Variants in ACSBG1 observed in about 807,000 individuals in gnomAD.
ACSBG1 encodes long-chain-fatty-acid--CoA ligase ACSBG1.
Under a neutral mutation model 80.2 loss-of-function variants are expected in ACSBG1, and 39 were observed. The observed-to-expected ratio is 0.49, with a 90% CI of 0.38 to 0.64. ACSBG1 has a LOEUF of 0.64. Among genes scored for constraint, ACSBG1 ranks in the 30% least tolerant of loss-of-function variants. The probability of loss-of-function intolerance (pLI) is 0.00; values close to 1 mark genes in which losing one functional copy is unlikely to be tolerated. For synonymous variants in ACSBG1, 392 were observed against 379.5 expected (o/e 1.03, Z -0.38); for missense variants, 828 against 966.4 (o/e 0.86, Z 1.90).
chr15:78,211,573 G>A (rs939410788), intron 1 of ACSBG1, among the ~76,000 whole-genome samples: 2 of 152,200 alleles, frequency 1.3e-5, no homozygotes, highest in Admixed American at 6.5e-5. Flanking sequence ...TCCTTTCACA[G>A]AAAACAAAAA....
intron 2 of ACSBG1, among the ~76,000 whole-genome samples, chr15:78,204,365 G>A (rs537768638): frequency 1.2e-4 from 19 of 152,346 alleles, no homozygotes; most frequent in African/African-American, 4.6e-4. Flanking sequence ...AGATGTGCAG[G>A]AGACCTCAGG....
At chr15:78,208,585 C>G (rs1232512069) in intron 1 of ACSBG1, among the ~76,000 whole-genome samples, 1 of 152,156 alleles carries the variant, frequency 6.6e-6, no homozygotes. Context: ...TGCAGGTACT[C>G]ATAGGGCTCT....
At chr15:78,204,359 G>A (rs990374247) in intron 2 of ACSBG1, among the ~76,000 whole-genome samples, 2 of 152,232 alleles carry the variant, frequency 1.3e-5, no homozygotes, top group African/African-American at 4.8e-5. Flanking sequence ...CTCAGGAGAT[G>A]TGCAGGAGAC....
At chr15:78,233,166 A>G (rs1197707110) in intron 1 of ACSBG1, among the ~76,000 whole-genome samples, 2 of 152,092 alleles carry the variant, frequency 1.3e-5, no homozygotes, top group African/African-American at 4.8e-5. Flanking sequence ...TGTGCACCTG[A>G]CCTATGCCCA....
chr15:78,200,738 G>A lies in ACSBG1; in HGVS notation c.233-6012C>T, dbSNP rs191707134. On this transcript the variant is annotated intron_variant, in intron 2 of 13. Coordinates refer to ENST00000258873, the MANE Select transcript of ACSBG1 (RefSeq NM_015162.5). Reference sequence around the variant, plus strand: ...AAGTCCTGTGACAGGTTCAGGCTGGGTGACCTTGGGCAGCCATGACCTCCA... The same window carrying A: ...AAGTCCTGTGACAGGTTCAGGCTGGATGACCTTGGGCAGCCATGACCTCCA... Among the ~76,000 whole-genome samples, 19 of 152,278 alleles carry A rather than the reference G, an allele frequency of 1.2e-4. No individual in the cohort carries two copies. The East Asian group carries it at 3.1e-3, about 25-fold the overall frequency.
In ACSBG1 at chr15:78,180,745, C is replaced by T. The variant is rs771462805; in HGVS notation, c.1253+10G>A. 5 of 1,612,054 alleles carry T rather than the reference C, an allele frequency of 3.1e-6. No homozygotes were observed. In the East Asian group the frequency reaches 6.7e-5, roughly 22 times the overall value. On this transcript the variant is annotated intron_variant, in intron 9 of 13. Transcript: ENST00000258873. ...TCTCCCCAGGCCTCCCGCCCGTGGG[C>T]CCTCTGTACCTGCCGGGGCAGGTGA...
At chr15:78,175,898 C>T (rs1444618615) in intron 11 of ACSBG1, among the ~76,000 whole-genome samples, 8 of 152,070 alleles carry the variant, frequency 5.3e-5, no homozygotes, top group African/African-American at 1.9e-4. Context: ...ATTGCTACCT[C>T]ATTCCTGCCC....
At chr15:78,207,518 A>T (rs1358185143) in intron 2 of ACSBG1, among the ~76,000 whole-genome samples, 1 of 152,144 alleles carries the variant, frequency 6.6e-6, no homozygotes, top group East Asian at 1.9e-4. Flanking sequence ...TCCTTAAGGC[A>T]CAATTATTTG....
intron 2 of ACSBG1, among the ~76,000 whole-genome samples, chr15:78,199,243 C>A (rs1451499669): frequency 6.6e-6 from 1 of 152,054 alleles, no homozygotes; most frequent in East Asian, 2.0e-4. Context: ...CTAAGCCCAG[C>A]TAATTTTTTT....
intron 1 of ACSBG1, among the ~76,000 whole-genome samples, chr15:78,208,669 T>C (rs1345044206): frequency 6.6e-6 from 1 of 152,174 alleles, no homozygotes; most frequent in African/African-American, 2.4e-5. Context: ...ATGCACCCCA[T>C]GTCTGTTCAC....
At chr15:78,208,191 G>T in intron 1 of ACSBG1, 89 bp from the exon 2 acceptor site, 1 of 936,906 alleles carries the variant, frequency 1.1e-6, no homozygotes, top group Non-Finnish European at 1.7e-6. Context: ...ACACATCTCA[G>T]CACCCCCAGG....
chr15:78,221,738 G>A (rs1267981808), intron 1 of ACSBG1, among the ~76,000 whole-genome samples: 3 of 152,110 alleles, frequency 2.0e-5, no homozygotes, highest in Admixed American at 6.6e-5. Context: ...AGGTCCCTGC[G>A]GCTTTCTGCA....
Position 78,174,486 on chromosome 15 carries a change from CA to C in ACSBG1, c.1740del (p.Val581CysfsTer7). 6.2e-7 allele frequency: 1 copy of C among 1,614,178 alleles called. No homozygotes were observed. ...IITAGGENVPPVPIEEAVKME... is the reference protein window; with the variant it reads ...IITAGGENVPXVPIEEAVKME... Reference sequence around the variant, plus strand: ...ATCTTCACGGCCTCCTCGATGGGCACAGGGGGCACATTCTCCCCACCAGCTG... The same window carrying C: ...ATCTTCACGGCCTCCTCGATGGGCACGGGGGCACATTCTCCCCACCAGCTG... On this transcript the variant is annotated frameshift_variant, in exon 12 of 14. Transcript: ENST00000258873. LOFTEE classifies it high-confidence loss of function.
At chr15:78,191,294 T>A (rs1276489104) in intron 5 of ACSBG1, among the ~76,000 whole-genome samples, 1 of 152,250 alleles carries the variant, frequency 6.6e-6, no homozygotes, top group Non-Finnish European at 1.5e-5. Context: ...GAAAAATAGA[T>A]GTCTACCATA....
chr15:78,203,335 A>G (rs1490198961), intron 2 of ACSBG1, among the ~76,000 whole-genome samples: 1 of 152,244 alleles, frequency 6.6e-6, no homozygotes, highest in Non-Finnish European at 1.5e-5. Flanking sequence ...CCAGATCCCA[A>G]CAGGAGCTGA....
At position 78,179,571 on chromosome 15, in the gene ACSBG1, G is replaced by T. The variant is rs757053066; in HGVS notation, c.1463C>A (p.Pro488His). Reference protein sequence around the residue: ...ETSGPHFMSSPYNYRLYSSGK... With the variant: ...ETSGPHFMSSHYNYRLYSSGK... The stretch of plus-strand genomic sequence containing the variant: ...TCACCTGTACAGCCGGTAGTTGTAG[G>T]GACTGGACATGAAGTGGGGGCCTGA... Residue 488 changes from proline to histidine, a missense_variant, in exon 10 of 14, where the codon CCC becomes CAC. Physicochemically the swap from Pro to His is moderately conservative, Grantham distance 77 (BLOSUM62 -2). Around this residue, in one of 3 missense-constraint regions of ACSBG1, gnomAD observed 271 missense variants for 375.9 expected, o/e 0.72. Coordinates refer to ENST00000258873, the MANE Select transcript of ACSBG1 (RefSeq NM_015162.5). 1.2e-6 allele frequency: 2 copies of T among 1,613,830 alleles called. No individual in the cohort carries two copies. The highest frequency in any genetic ancestry group is 1.7e-5 in the Admixed American group (1 of 60,020).
rs1342200962 is a variant in ACSBG1, at chr15:78,178,958, G to A, written c.1485-127C>T. On this transcript the variant is annotated intron_variant, in intron 10 of 13. Transcript: ENST00000258873. This position sits in a 1 kb window ranked among gnomAD's most constrained non-coding sequence, Gnocchi z 4.3. ...GAAGGTATCCCCTCACAGGGCTTTT[G>A]TATTTTTACAGGGGACTTACAGCTG... 7.2e-6 allele frequency: 7 copies of A among 971,054 alleles called. No homozygotes were observed. Among genetic ancestry groups the A allele is most frequent in the South Asian group, 5.2e-5 (3 of 57,752 alleles). 60.2% of individuals were successfully genotyped at this position (971,054 alleles called of 1,614,324 possible).
chr15:78,216,570 T>C (rs568836694), intron 1 of ACSBG1, among the ~76,000 whole-genome samples: 50 of 151,944 alleles, frequency 3.3e-4, no homozygotes, highest in Non-Finnish European at 6.0e-4. Flanking sequence ...TCAGAAAGGG[T>C]GAGGGCAGGG....
At chr15:78,219,959 T>C (rs2075347380) in intron 1 of ACSBG1, among the ~76,000 whole-genome samples, 1 of 152,142 alleles carries the variant, frequency 6.6e-6, no homozygotes, top group Non-Finnish European at 1.5e-5. Flanking sequence ...CTCCAGAATC[T>C]GGGCAACAGA....
Sources: gnomAD v4.1 joint callset for allele counts (sites outside exome capture counted in the v4.1 genomes callset) on GRCh38, gnomAD v4.1.1 for gene constraint, gnomAD v4.1.1 regional missense constraint, Gnocchi (gnomAD v3.1) non-coding constraint, MANE v1.5 for transcripts, NCBI Gene and HGNC (gene_info 2026-07-23, HGNC 2026-07-21) for gene names.